Variants in PPP1R9B observed in about 807,000 individuals in gnomAD.
PPP1R9B encodes the protein protein phosphatase 1 regulatory subunit 9B.
In PPP1R9B, 17 loss-of-function variants were observed where a neutral mutation model predicts 75.8. That is an observed-to-expected ratio of 0.22 (90% confidence interval 0.15 to 0.34). The LOEUF is 0.34. Among genes scored for constraint, PPP1R9B ranks in the 10% least tolerant of loss-of-function variants. PPP1R9B has a pLI of 1.00. For missense variants in PPP1R9B, 875 were observed against 1,196.0 expected (o/e 0.73, Z 3.96); for synonymous variants, 509 against 535.4 (o/e 0.95, Z 0.68).
At chr17:50,143,365 C>T (rs531087531) in intron 3 of PPP1R9B, among the ~76,000 whole-genome samples, 1 of 152,372 alleles carries the variant, frequency 6.6e-6, no homozygotes, top group South Asian at 2.1e-4. Flanking sequence ...CCAGCCCCTC[C>T]TGGAGAACAC....
rs1399192851 is a variant in PPP1R9B, at chr17:50,140,078, G to A, written c.1866+15C>T. 3 of 1,611,972 alleles carry A rather than the reference G, an allele frequency of 1.9e-6. No homozygotes were observed. The highest frequency in any genetic ancestry group is 1.7e-5 in the Admixed American group (1 of 59,802). On this transcript the variant is annotated intron_variant, in intron 5 of 9. Coordinates refer to ENST00000612501, the MANE Select transcript of PPP1R9B (RefSeq NM_032595.5). ...AGGGGGCGACCACGCGGCCAGCCAG[G>A]CAGGGACTCCCTACCTCCTCGTCAT... is the stretch of plus-strand genomic sequence containing the variant.
At position 50,135,282 on chromosome 17, in the gene PPP1R9B, G is replaced by C. The variant is rs765724719; in HGVS notation, c.*49C>G. 2.0e-6 allele frequency: 3 copies of C among 1,521,190 alleles called. No homozygotes were observed. Among genetic ancestry groups the C allele is most frequent in the Non-Finnish European group, 1.8e-6 (2 of 1,097,682 alleles). The allele number at this position is 1,521,190 out of a possible 1,614,324, so 94.2% of individuals were successfully genotyped here. A position where few individuals can be genotyped will look rare whatever the true frequency, so the allele number is the denominator to read the frequency against. On this transcript the variant is annotated 3_prime_UTR_variant, in exon 10 of 10. Coordinates refer to ENST00000612501, the MANE Select transcript of PPP1R9B (RefSeq NM_032595.5). ...TGGGGTGTTGAGGACAGGGGAGGGA[G>C]GACAATGGGAGGGGGGTTAATTATT...
chr17:50,148,920 G>A (rs1912592633), intron 1 of PPP1R9B, among the ~76,000 whole-genome samples: 1 of 152,012 alleles, frequency 6.6e-6, no homozygotes, highest in Admixed American at 6.5e-5. Flanking sequence ...AGGAACCTGA[G>A]GGCAGGTCGG....
chr17:50,136,274 CCA>C, intron 7 of PPP1R9B, 77 bp from the exon 8 acceptor site: 1 of 1,208,628 alleles, frequency 8.3e-7, no homozygotes. Context: ...AGCACTGGGG[CCA>C]GAGTCGCCAG....
At chr17:50,143,804 C>CA in intron 2 of PPP1R9B, 86 bp from the exon 3 acceptor site, 3 of 1,571,398 alleles carry the variant, frequency 1.9e-6, no homozygotes, top group Non-Finnish European at 2.6e-6. Context: ...CACAGCCCCC[C>CA]CATCAGGAAG....
Position 50,139,241 on chromosome 17 carries a change from GCACA to G in PPP1R9B, c.2073+18_2073+21del. On this transcript the variant is annotated intron_variant, in intron 7 of 9. Coordinates refer to ENST00000612501, the MANE Select transcript of PPP1R9B (RefSeq NM_032595.5). This position sits in a 1 kb window ranked among gnomAD's most constrained non-coding sequence, Gnocchi z 5.0. ...AACACACACATGCACGCACGCAAAA[GCACA>G]CACATACGCACCCTTACCTTTCTTT... 1 of 1,613,994 alleles carries G rather than the reference GCACA, an allele frequency of 6.2e-7. No homozygotes were observed.
In PPP1R9B at chr17:50,149,494, G is replaced by A. The variant is rs756677435; in HGVS notation, c.1020C>T (p.Ser340=). ...GGGCCTTTGGCTCCTCGGGCGCGGG[G>A]CTGGCTGCAGTTGCCACGGTGCTGC... The part of the protein sequence containing the change: ...ENGSTVATAA[S]PAPEEPKAQA... The change falls in exon 1 of 10, where the codon AGC becomes AGT. Residue 340 remains serine, a synonymous_variant. Coordinates refer to ENST00000612501, the MANE Select transcript of PPP1R9B (RefSeq NM_032595.5). This position sits in a 1 kb window ranked among gnomAD's most constrained non-coding sequence, Gnocchi z 7.2. 6.9e-6 allele frequency: 11 copies of A among 1,597,362 alleles called. No individual in the cohort carries two copies. The highest frequency in any genetic ancestry group is 1.7e-5 in the Admixed American group (1 of 58,578).
Position 50,143,668 on chromosome 17 carries a change from T to A in PPP1R9B, c.1555A>T (p.Met519Leu), listed in dbSNP as rs772902968. Residue 519 changes from methionine to leucine, a missense_variant, in exon 3 of 10, where the codon ATG becomes TTG. By Grantham distance (15) the Met-to-Leu change is conservative. Around this residue, in one of 4 missense-constraint regions of PPP1R9B, gnomAD observed 63 missense variants for 160.2 expected, o/e 0.39. Coordinates refer to ENST00000612501, the MANE Select transcript of PPP1R9B (RefSeq NM_032595.5). Reference sequence around the variant, plus strand: ...AAGATACCCAGCTTCTCCAGGCCCATGTCTGCCCCGGCGCCCATGCCGATG... The same window carrying A: ...AAGATACCCAGCTTCTCCAGGCCCAAGTCTGCCCCGGCGCCCATGCCGATG... ...SIIGMGAGAD[M>L]GLEKLGIFVK... 2 of 1,614,026 alleles carry A rather than the reference T, an allele frequency of 1.2e-6. No individual in the cohort carries two copies. The highest frequency in any genetic ancestry group is 8.5e-7 in the Non-Finnish European group (1 of 1,179,880).
Position 50,142,510 on chromosome 17 carries a change from G to A in PPP1R9B, c.1625+1088C>T, listed in dbSNP as rs758588110. Among the ~76,000 whole-genome samples, 60 of 152,164 alleles carry A rather than the reference G, an allele frequency of 3.9e-4. No individual in the cohort carries two copies. The highest frequency in any genetic ancestry group is 6.3e-4 in the Non-Finnish European group (43 of 68,010). The stretch of plus-strand genomic sequence containing the variant: ...CTCCATGCCACCTGGGCCACAACAG[G>A]TAGAAGCCCCTTGACAGGGCAGCCC... On this transcript the variant is annotated intron_variant, in intron 3 of 9. Coordinates refer to ENST00000612501, the MANE Select transcript of PPP1R9B (RefSeq NM_032595.5). This position sits in a 1 kb window ranked among gnomAD's most constrained non-coding sequence, Gnocchi z 4.1.
chr17:50,149,962 G>T lies in PPP1R9B; in HGVS notation c.552C>A (p.Asp184Glu). ...ERAGLQDRKL[D>E]VVVRFNGSTE... ...TGCTGCCGTTGAAGCGCACCACGAC[G>T]TCCAGCTTCCGGTCCTGCAGGCCGG... The change falls in exon 1 of 10, where the codon GAC becomes GAA. Residue 184 changes from aspartate to glutamate, a missense_variant. This residue lies in a region of PPP1R9B where 449 missense variants were observed against 475.0 expected (regional missense o/e 0.95). Transcript: ENST00000612501. This position sits in a 1 kb window ranked among gnomAD's most constrained non-coding sequence, Gnocchi z 7.2. The T allele has an allele frequency of 6.6e-7, 1 of 1,515,078 alleles. No individual in the cohort carries two copies. Among genetic ancestry groups the T allele is most frequent in the East Asian group, 2.8e-5 (1 of 36,302 alleles). The allele number at this position is 1,515,078 out of a possible 1,614,324, so 93.9% of individuals were successfully genotyped here. A position where few individuals can be genotyped will look rare whatever the true frequency, so the allele number is the denominator to read the frequency against.
At position 50,135,250 on chromosome 17, in the gene PPP1R9B, G is replaced by A; in HGVS notation, c.*81C>T. ...GGCACCTGTCCCCAGGCTGGAAGGGGGAGGGGTGGGGTGTTGAGGACAGGG... is the reference window on the plus strand; with the variant it reads ...GGCACCTGTCCCCAGGCTGGAAGGGAGAGGGGTGGGGTGTTGAGGACAGGG... On this transcript the variant is annotated 3_prime_UTR_variant, in exon 10 of 10. Transcript: ENST00000612501. 8.3e-7 allele frequency: 1 copy of A among 1,209,434 alleles called. No homozygotes were observed. The highest frequency in any genetic ancestry group is 1.2e-5 in the South Asian group (1 of 81,634). The allele number at this position is 1,209,434 out of a possible 1,614,324, so 74.9% of individuals were successfully genotyped here.
In PPP1R9B at chr17:50,135,076, C is replaced by T. The variant is rs534801746; in HGVS notation, c.*255G>A. On this transcript the variant is annotated 3_prime_UTR_variant, in exon 10 of 10. Transcript: ENST00000612501. ...CACCAGGCCAGCCCTCGGCAGCCCT[C>T]GGCCTCTGTGCCTCAGCCCCATGGG... is the stretch of plus-strand genomic sequence containing the variant. The T allele has an allele frequency of 3.2e-4, 177 of 559,054 alleles. 1 individual carries two copies. Among genetic ancestry groups the T allele is most frequent in the South Asian group, 1.5e-3 (71 of 47,302 alleles). The allele number at this position is 559,054 out of a possible 1,614,324, so 34.6% of individuals were successfully genotyped here.
chr17:50,143,870 G>A (rs964282384), intron 2 of PPP1R9B, among the ~76,000 whole-genome samples, 152 bp from the exon 3 acceptor site: 7 of 152,358 alleles, frequency 4.6e-5, no homozygotes, highest in East Asian at 3.9e-4. Flanking sequence ...TCTGTCCACC[G>A]TCTTTGCCAA....
At position 50,138,959 on chromosome 17, in the gene PPP1R9B, T is replaced by C. The variant is rs547440967; in HGVS notation, c.2073+304A>G. On this transcript the variant is annotated intron_variant, in intron 7 of 9. Coordinates refer to ENST00000612501, the MANE Select transcript of PPP1R9B (RefSeq NM_032595.5). ...ATTGAGCTCCTATTATGTCACACATTGTGCTAAAGACTTGACGTGTGTTAT... is the reference window on the plus strand; with the variant it reads ...ATTGAGCTCCTATTATGTCACACATCGTGCTAAAGACTTGACGTGTGTTAT... Among the ~76,000 whole-genome samples, 7 of 152,326 alleles carry C rather than the reference T, an allele frequency of 4.6e-5. No homozygotes were observed. In the East Asian group the frequency reaches 1.4e-3, roughly 29 times the overall value.
chr17:50,146,799 C>G (rs149630752), intron 1 of PPP1R9B, among the ~76,000 whole-genome samples: 1,533 of 152,316 alleles, frequency 0.01, 26 homozygotes, highest in African/African-American at 0.035. Flanking sequence ...TAAACTGTGG[C>G]CAGGCAGAAT....
At chr17:50,144,104 G>T (rs756560404) in intron 2 of PPP1R9B, among the ~76,000 whole-genome samples, 6 of 152,130 alleles carry the variant, frequency 3.9e-5, no homozygotes, top group Admixed American at 6.5e-5. Flanking sequence ...TGTACTCATA[G>T]CTTCAAGGAC....
Position 50,149,260 on chromosome 17 carries a change from CTCG to C in PPP1R9B, c.1251_1253del (p.Asp417del), listed in dbSNP as rs777186614. ...GCTCGTAGGGGGGCTCCCCATCCTC[CTCG>C]TCGTCTTCGTCGTCCTCCTCCAGGG... On this transcript the variant is annotated inframe_deletion, in exon 1 of 10. Transcript: ENST00000612501. This position sits in a 1 kb window ranked among gnomAD's most constrained non-coding sequence, Gnocchi z 7.2. The C allele has an allele frequency of 3.0e-5, 48 of 1,612,890 alleles. No individual in the cohort carries two copies. The highest frequency in any genetic ancestry group is 3.9e-5 in the Non-Finnish European group (46 of 1,179,672).
In PPP1R9B at chr17:50,135,048, G is replaced by C; in HGVS notation, c.*283C>G. 2 of 503,092 alleles carry C rather than the reference G, an allele frequency of 4.0e-6. No individual in the cohort carries two copies. The highest frequency in any genetic ancestry group is 4.7e-5 in the South Asian group (2 of 42,252). 31.2% of individuals were successfully genotyped at this position (503,092 alleles called of 1,614,324 possible). A position where few individuals can be genotyped will look rare whatever the true frequency, so the allele number is the denominator to read the frequency against. ...TGATCTGCAGGTGCTTGTGTCCGTC[G>C]ACCACCAGGCCAGCCCTCGGCAGCC... is the stretch of plus-strand genomic sequence containing the variant. On this transcript the variant is annotated 3_prime_UTR_variant, in exon 10 of 10. Transcript: ENST00000612501.
At position 50,149,725 on chromosome 17, in the gene PPP1R9B, C is replaced by T; in HGVS notation, c.789G>A (p.Gly263=). 7.1e-7 allele frequency: 1 copy of T among 1,409,272 alleles called. No individual in the cohort carries two copies. Among genetic ancestry groups the T allele is most frequent in the Non-Finnish European group, 9.2e-7 (1 of 1,090,990 alleles). 87.3% of individuals were successfully genotyped at this position (1,409,272 alleles called of 1,614,324 possible). ...PPPPPPPAPS[G]DAPAEKERCP... ...ATCGCTCTTTCTCGGCCGGGGCATC[C>T]CCCGACGGGGCGGGCGGCGGCGGCG... Residue 263 remains glycine (G), a synonymous_variant, in exon 1 of 10, where the codon GGG becomes GGA. Transcript: ENST00000612501. The surrounding 1 kb of genome is among the most constrained non-coding windows in gnomAD (Gnocchi z 7.2).
Sources: gnomAD v4.1 joint callset for allele counts (sites outside exome capture counted in the v4.1 genomes callset) on GRCh38, gnomAD v4.1.1 for gene constraint, gnomAD v4.1.1 regional missense constraint, Gnocchi (gnomAD v3.1) non-coding constraint, MANE v1.5 for transcripts, NCBI Gene and HGNC (gene_info 2026-07-23, HGNC 2026-07-21) for gene names.